Variants in NRG1 observed in about 807,000 individuals in gnomAD.
NRG1 encodes the protein pro-neuregulin-1, membrane-bound isoform.
Under a neutral mutation model 63.8 loss-of-function variants are expected in NRG1, and 18 were observed. The observed-to-expected ratio is 0.28, with a 90% CI of 0.19 to 0.42. The LOEUF (loss-of-function observed/expected upper bound fraction) is 0.42, where lower values mean the gene tolerates loss of function less well. NRG1 is among the 10% of genes least tolerant of loss of function. The pLI is 1.00. For missense variants in NRG1, 762 were observed against 814.7 expected (o/e 0.94, Z 0.79); for synonymous variants, 302 against 301.3 (o/e 1.00, Z -0.02).
chr8:32,074,364 G>A (rs1826185013), intron 1 of NRG1, among the ~76,000 whole-genome samples: 1 of 152,154 alleles, frequency 6.6e-6, no homozygotes, highest in Non-Finnish European at 1.5e-5. Flanking sequence ...AGCATGATTA[G>A]AATTGTAGAA....
intron 5 of NRG1, among the ~76,000 whole-genome samples, chr8:32,651,324 C>T (rs1419230171): frequency 6.6e-6 from 1 of 152,050 alleles, no homozygotes; most frequent in Non-Finnish European, 1.5e-5. Flanking sequence ...TAAAGTATTT[C>T]TAAATATGGT....
At chr8:32,388,868 G>A (rs1811359861) in intron 1 of NRG1, among the ~76,000 whole-genome samples, 1 of 152,090 alleles carries the variant, frequency 6.6e-6, no homozygotes, top group African/African-American at 2.4e-5. Context: ...AAGAAGGAAC[G>A]TTCCAGATGG....
rs773642337 is a variant in NRG1, at chr8:32,759,290, CTCTT to C, written c.922-14_922-11del. 6.2e-7 allele frequency: 1 copy of C among 1,610,232 alleles called. No homozygotes were observed. The highest frequency in any genetic ancestry group is 8.5e-7 in the Non-Finnish European group (1 of 1,177,920). On this transcript the variant is annotated splice_polypyrimidine_tract_variant and intron_variant, in intron 9 of 11. Transcript: ENST00000356819. ...ATCTACGTGAATCTTCAAGTTGTGT[CTCTT>C]TGTTTATCCAGCAATACGTATCTAA... is the stretch of plus-strand genomic sequence containing the variant.
chr8:32,667,091 T>C (rs1460175890), intron 5 of NRG1, among the ~76,000 whole-genome samples: 7 of 152,220 alleles, frequency 4.6e-5, no homozygotes, highest in Non-Finnish European at 4.4e-5. Context: ...GCCTTGATGG[T>C]ATAGCCAACT....
chr8:32,112,539 C>A (rs4144739), intron 1 of NRG1, among the ~76,000 whole-genome samples: 14 of 152,006 alleles, frequency 9.2e-5, no homozygotes, highest in Non-Finnish European at 4.4e-5. Flanking sequence ...TAAGAGAAAA[C>A]GAGTGTTTCA....
intron 1 of NRG1, among the ~76,000 whole-genome samples, chr8:32,187,316 T>C (rs961023742): frequency 6.6e-6 from 1 of 152,122 alleles, no homozygotes; most frequent in Non-Finnish European, 1.5e-5. Context: ...GCGTAGTTCT[T>C]TGGGGTCAGC....
At chr8:32,564,778 T>C (rs950104674) in intron 1 of NRG1, among the ~76,000 whole-genome samples, 1 of 152,122 alleles carries the variant, frequency 6.6e-6, no homozygotes, top group African/African-American at 2.4e-5. Flanking sequence ...TTTTGTCCTA[T>C]GGCTGGGCGT....
rs979374396 is a variant in NRG1, at chr8:32,691,490, A to C, written c.503-36459A>C. On this transcript the variant is annotated intron_variant, in intron 5 of 11. Coordinates refer to ENST00000356819, the Ensembl canonical transcript of NRG1. The stretch of plus-strand genomic sequence containing the variant: ...ATTTTTCCAGGACCACATTTCTTCA[A>C]ATTGCACTAGTCATGCTGTTAAGAA... Among the ~76,000 whole-genome samples the C allele has an allele frequency of 2.6e-5, 4 of 152,312 alleles. No homozygotes were observed. The East Asian group carries it at 7.7e-4, about 29-fold the overall frequency.
chr8:32,043,524 TATAA>T (rs1820427985), intron 1 of NRG1, among the ~76,000 whole-genome samples: 1 of 152,006 alleles, frequency 6.6e-6, no homozygotes, highest in African/African-American at 2.4e-5. Context: ...ATGGTAACTA[TATAA>T]ATAAATATAG....
At chr8:32,486,955 A>T (rs1825976439) in intron 1 of NRG1, among the ~76,000 whole-genome samples, 1 of 152,136 alleles carries the variant, frequency 6.6e-6, no homozygotes, top group Middle Eastern at 3.2e-3. Context: ...GCCAACTCTC[A>T]ATTGTCTTTC....
chr8:32,759,259 ACATG>A lies in NRG1; in HGVS notation c.922-46_922-43del. On this transcript the variant is annotated intron_variant, in intron 9 of 11. Coordinates refer to ENST00000356819, the Ensembl canonical transcript of NRG1. ...CATGACAATATTAGTGCTTTGATTG[ACATG>A]AATCTACGTGAATCTTCAAGTTGTG... The A allele has an allele frequency of 3.8e-6, 6 of 1,592,826 alleles. No homozygotes were observed. In the South Asian group the frequency reaches 6.9e-5, roughly 18 times the overall value.
At chr8:32,701,662 A>T (rs1302538624) in intron 5 of NRG1, among the ~76,000 whole-genome samples, 1 of 152,232 alleles carries the variant, frequency 6.6e-6, no homozygotes, top group Admixed American at 6.5e-5. Flanking sequence ...CAACTAAAAG[A>T]TGATTCACTT....
chr8:32,016,341 G>A (rs1815537536), intron 1 of NRG1, among the ~76,000 whole-genome samples: 2 of 152,176 alleles, frequency 1.3e-5, no homozygotes, highest in South Asian at 2.1e-4. Context: ...GGGATTACAG[G>A]TCTGTGCCAC....
rs181854383 is a variant in NRG1 at position 32,073,147 on chromosome 8, C to T, written c.37+433716C>T. ...AGATACATGCATGCATTCAACATCT[C>T]GTTTTTTTCCATTCCTGCCCTTTGG... is the stretch of plus-strand genomic sequence containing the variant. On this transcript the variant is annotated intron_variant, in intron 1 of 10. Transcript: ENST00000519301. Among the ~76,000 whole-genome samples, 274 of 152,286 alleles carry T rather than the reference C, an allele frequency of 1.8e-3. 1 individual carries two copies. Among genetic ancestry groups the T allele is most frequent in the Non-Finnish European group, 1.6e-3 (109 of 68,008 alleles).
At chr8:32,048,446 C>CATACATATAT (rs1821426884) in intron 1 of NRG1, among the ~76,000 whole-genome samples, 1 of 6,708 alleles carries the variant, frequency 1.5e-4, no homozygotes, top group African/African-American at 1.7e-4. Flanking sequence ...TATATACATA[C>CATACATATAT]ATATATATAT....
intron 1 of NRG1, among the ~76,000 whole-genome samples, chr8:32,059,083 A>G (rs895409115): frequency 6.6e-5 from 10 of 152,084 alleles, no homozygotes; most frequent in African/African-American, 2.4e-4. Context: ...TAAGAGACCA[A>G]TGTCATGACC....
chr8:32,442,657 A>G (rs1462203075), intron 1 of NRG1: 1 of 152,234 alleles, frequency 6.6e-6, no homozygotes, highest in Non-Finnish European at 1.5e-5. Context: ...TTAGTTCACC[A>G]TGTACCACAA....
At chr8:32,074,140 G>A (rs970947889) in intron 1 of NRG1, among the ~76,000 whole-genome samples, 12 of 152,162 alleles carry the variant, frequency 7.9e-5, no homozygotes, top group African/African-American at 2.9e-4. Flanking sequence ...AACCAAGGAT[G>A]CTAAATATAA....
chr8:32,764,449 A>G (rs1157163522), exon 12 of NRG1: 2 of 1,407,508 alleles, frequency 1.4e-6, no homozygotes, highest in Non-Finnish European at 1.9e-6. Context: ...TATTTTATAT[A>G]ATAAAGTATT....
Sources: allele counts gnomAD v4.1 joint callset (sites outside exome capture counted in the v4.1 genomes callset), GRCh38; gene constraint gnomAD v4.1.1; transcripts MANE v1.5; gene names NCBI Gene and HGNC (gene_info 2026-07-23, HGNC 2026-07-21).